DOCK4: variants seen among roughly 807,000 people sequenced by gnomAD.
DOCK4 encodes dedicator of cytokinesis protein 4.
In DOCK4, 97 loss-of-function variants were observed where a neutral mutation model predicts 268.1. The observed-to-expected ratio is 0.36, with a 90% confidence interval of 0.31 to 0.43. The LOEUF (loss-of-function observed/expected upper bound fraction) is 0.43, where lower values mean the gene tolerates loss of function less well. Ranked by LOEUF, DOCK4 falls within the 20% of genes least tolerant of loss-of-function variation. The probability of loss-of-function intolerance (pLI) is 1.00; values close to 1 mark genes in which losing one functional copy is unlikely to be tolerated. For missense variants in DOCK4, 2,145 were observed against 2,455.7 expected (o/e 0.87, Z 2.67); for synonymous variants, 954 against 887.2 (o/e 1.08, Z -1.34).
chr7:111,750,502 T>A (rs1796559525), intron 42 of DOCK4, among the ~76,000 whole-genome samples: 2 of 152,314 alleles, frequency 1.3e-5, no homozygotes, highest in Non-Finnish European at 2.9e-5. Context: ...CGACACTTCA[T>A]AATTTAAACG....
chr7:111,839,927 T>G (rs886380255), intron 25 of DOCK4, among the ~76,000 whole-genome samples: 1 of 152,310 alleles, frequency 6.6e-6, no homozygotes, highest in South Asian at 2.1e-4. Flanking sequence ...GTATATTTTA[T>G]CCATAATGTA....
intron 1 of DOCK4, among the ~76,000 whole-genome samples, chr7:112,052,626 T>G (rs1733644933): frequency 6.6e-6 from 1 of 152,172 alleles, no homozygotes. Context: ...TATGTTGTAA[T>G]GCCCCAGACC....
intron 23 of DOCK4, among the ~76,000 whole-genome samples, chr7:111,853,080 T>C (rs1393137445): frequency 1.3e-5 from 2 of 152,180 alleles, no homozygotes; most frequent in Non-Finnish European, 2.9e-5. Flanking sequence ...TGAGTGGATA[T>C]ACAGCCAGCT....
chr7:111,974,162 T>C (rs1429651510), intron 8 of DOCK4, among the ~76,000 whole-genome samples: 1 of 152,096 alleles, frequency 6.6e-6, no homozygotes, highest in African/African-American at 2.4e-5. Context: ...CTAAGGCCTC[T>C]TCATGCAGGG....
intron 37 of DOCK4, among the ~76,000 whole-genome samples, chr7:111,768,443 A>G (rs2133662552): frequency 6.6e-6 from 1 of 152,338 alleles, no homozygotes; most frequent in African/African-American, 2.4e-5. Context: ...ACCCAATTAT[A>G]TTTTGTAAAA....
chr7:111,761,383 T>G (rs1585904089), intron 39 of DOCK4, among the ~76,000 whole-genome samples: 1 of 152,228 alleles, frequency 6.6e-6, no homozygotes, highest in South Asian at 2.1e-4. Context: ...TTGAAATACT[T>G]TGTCCACGTG....
At chr7:112,178,653 C>A (rs1478424116) in intron 1 of DOCK4, among the ~76,000 whole-genome samples, 1 of 152,242 alleles carries the variant, frequency 6.6e-6, no homozygotes, top group Admixed American at 6.5e-5. Context: ...GCTGCCTCAA[C>A]TGTGACGACA....
chr7:111,803,144 T>C (rs1489500956), intron 30 of DOCK4, among the ~76,000 whole-genome samples: 1 of 152,224 alleles, frequency 6.6e-6, no homozygotes, highest in East Asian at 1.9e-4. Context: ...TGCAGCCTGA[T>C]TTTTTCCATT....
intron 27 of DOCK4, 129 bp downstream of exon 27, chr7:111,822,232 AT>A (rs1002448222): frequency 7.9e-5 from 54 of 683,584 alleles, no homozygotes; most frequent in African/African-American, 7.4e-4. Context: ...AAGTGGTAAC[AT>A]TTTTTTAAAG....
chr7:111,726,650 T>C lies in DOCK4; in HGVS notation c.*1624A>G, dbSNP rs1019118756. 1 of 152,638 alleles carries C rather than the reference T, an allele frequency of 6.6e-6. No individual in the cohort carries two copies. Among genetic ancestry groups the C allele is most frequent in the Admixed American group, 6.5e-5 (1 of 15,288 alleles). The allele number at this position is 152,638 out of a possible 1,614,324, so 9.5% of individuals were successfully genotyped here. A position where few individuals can be genotyped will look rare whatever the true frequency, so the allele number is the denominator to read the frequency against. ...TTAATTTTTCCGACATTCAAAATTG[T>C]AAAGTCAATATGGCAGAATTGTTAA... is the stretch of plus-strand genomic sequence containing the variant. On this transcript the variant is annotated 3_prime_UTR_variant, in exon 53 of 53. Transcript: ENST00000428084.
intron 16 of DOCK4, among the ~76,000 whole-genome samples, chr7:111,888,152 T>C (rs1487692283): frequency 6.6e-6 from 1 of 151,516 alleles, no homozygotes; most frequent in African/African-American, 2.4e-5. Flanking sequence ...GACCCACATC[T>C]ATACCCAGGT....
Position 111,790,567 on chromosome 7 carries a change from G to T in DOCK4, c.3205C>A (p.Pro1069Thr). The T allele has an allele frequency of 6.2e-7, 1 of 1,613,766 alleles. No homozygotes were observed. Among genetic ancestry groups the T allele is most frequent in the Non-Finnish European group, 8.5e-7 (1 of 1,179,822 alleles). Residue 1069 changes from proline (P) to threonine (T), a missense_variant, in exon 31 of 53, where the codon CCC becomes ACC. By Grantham distance (38) the Pro-to-Thr change is conservative (BLOSUM62 -1). Coordinates refer to ENST00000428084, the MANE Select transcript of DOCK4 (RefSeq NM_001363540.2). ...GGTATCAAGGTCACTTCTAGGAAGG[G>T]GCCAATCAGGGCAGGGATAAAATGA... ...KLHFIPALIG[P>T]FLEVTLIPQP...
At chr7:111,964,667 A>C (rs1297469321) in intron 8 of DOCK4, among the ~76,000 whole-genome samples, 3 of 129,682 alleles carry the variant, frequency 2.3e-5, no homozygotes, top group African/African-American at 6.5e-5. Flanking sequence ...CCAATCTAGC[A>C]AGGCAGGCCA....
intron 1 of DOCK4, among the ~76,000 whole-genome samples, chr7:112,043,690 A>G (rs1804597461): frequency 6.6e-6 from 1 of 151,986 alleles, no homozygotes; most frequent in African/African-American, 2.4e-5. Context: ...GGGAATGAAC[A>G]GGCAACCCTG....
At chr7:112,128,232 C>G (rs1171025973) in intron 1 of DOCK4, among the ~76,000 whole-genome samples, 1 of 152,212 alleles carries the variant, frequency 6.6e-6, no homozygotes, top group Non-Finnish European at 1.5e-5. Context: ...TTACTCTCCC[C>G]TTAAAAACTG....
At chr7:111,946,018 A>G (rs1232760235) in intron 8 of DOCK4, among the ~76,000 whole-genome samples, 2 of 152,218 alleles carry the variant, frequency 1.3e-5, no homozygotes, top group Non-Finnish European at 2.9e-5. Context: ...GAAAGCACCT[A>G]TATACAAACA....
At chr7:111,729,615 A>T (rs1794926271) in intron 52 of DOCK4, among the ~76,000 whole-genome samples, 1 of 152,168 alleles carries the variant, frequency 6.6e-6, no homozygotes, top group Non-Finnish European at 1.5e-5. Context: ...TTTGGAAGAG[A>T]GGGAACTGGC....
At chr7:112,173,279 C>A (rs1212483000) in intron 1 of DOCK4, among the ~76,000 whole-genome samples, 1 of 152,186 alleles carries the variant, frequency 6.6e-6, no homozygotes, top group African/African-American at 2.4e-5. Context: ...GACTCCCCAA[C>A]CCCTCCCCAA....
intron 16 of DOCK4, among the ~76,000 whole-genome samples, chr7:111,886,457 C>T (rs777353155): frequency 3.5e-4 from 53 of 152,220 alleles, no homozygotes; most frequent in Non-Finnish European, 5.6e-4. Context: ...CTGTTAATAC[C>T]GATTACAACA....
Sources: allele counts gnomAD v4.1 joint callset (sites outside exome capture counted in the v4.1 genomes callset), GRCh38; gene constraint gnomAD v4.1.1; transcripts MANE v1.5; gene names NCBI Gene and HGNC (gene_info 2026-07-23, HGNC 2026-07-21).